The following RNLS variants were observed in gnomAD, a reference collection of about 807,000 sequenced individuals.
The protein encoded by RNLS is renalase, FAD dependent amine oxidase, also known as renalase.
A neutral mutation model predicts 39.8 loss-of-function variants in RNLS; 39 were observed. The observed-to-expected ratio is 0.98, with a 90% CI of 0.76 to 1.28. RNLS has a LOEUF of 1.28. Ranked by LOEUF, RNLS falls within the 50% of genes most tolerant of loss-of-function variation. The pLI is 0.00. For synonymous variants in RNLS, 147 were observed against 150.7 expected, an observed-to-expected ratio of 0.98 and a Z score of 0.18; for missense variants, 410 against 413.3, an observed-to-expected ratio of 0.99 and a Z score of 0.07.
intron 4 of RNLS, among the ~76,000 whole-genome samples, chr10:88,495,261 A>G (rs1275227297): frequency 6.6e-6 from 1 of 152,156 alleles, no homozygotes; most frequent in East Asian, 1.9e-4. Flanking sequence ...AAAATATGAA[A>G]GTTATCTTTC....
chr10:88,315,945 G>T (rs921494092), intron 5 of RNLS, among the ~76,000 whole-genome samples: 1 of 152,100 alleles, frequency 6.6e-6, no homozygotes, highest in Non-Finnish European at 1.5e-5. Context: ...CACGCGTAAA[G>T]CTTCCTCAGT....
intron 4 of RNLS, among the ~76,000 whole-genome samples, chr10:88,508,817 A>G (rs1845934069): frequency 6.6e-6 from 1 of 152,134 alleles, no homozygotes; most frequent in African/African-American, 2.4e-5. Context: ...TTAAGGAAAA[A>G]AAAAGAAACA....
At chr10:88,223,821 C>T in the RNLS span, among the ~76,000 whole-genome samples, 1 of 152,090 alleles carries the variant, frequency 6.6e-6, no homozygotes, top group Non-Finnish European at 1.5e-5. Flanking sequence ...TTTGCACACT[C>T]GAGAGCCCCA....
the RNLS span, among the ~76,000 whole-genome samples, chr10:88,193,011 A>G: frequency 6.6e-6 from 1 of 152,188 alleles, no homozygotes; most frequent in Non-Finnish European, 1.5e-5. Flanking sequence ...ACATCGAAGT[A>G]TAGTGCTGGC....
intron 4 of RNLS, among the ~76,000 whole-genome samples, chr10:88,396,506 G>T (rs901053367): frequency 6.6e-6 from 1 of 150,902 alleles, no homozygotes; most frequent in African/African-American, 2.4e-5. Context: ...TAAATGACAA[G>T]AAAATTAAAA....
chr10:88,451,142 C>T (rs553370943), intron 4 of RNLS, among the ~76,000 whole-genome samples: 2 of 152,292 alleles, frequency 1.3e-5, no homozygotes, highest in East Asian at 3.9e-4. Flanking sequence ...CCCTTCAGGA[C>T]TTAAGCAGTC....
intron 5 of RNLS, among the ~76,000 whole-genome samples, chr10:88,329,833 T>C (rs535195637): frequency 4.4e-4 from 67 of 152,030 alleles, no homozygotes; most frequent in Admixed American, 6.5e-4. Context: ...TTTTCATTTG[T>C]AAACGTTCTA....
At chr10:88,493,590 T>G (rs1845004128) in intron 4 of RNLS, among the ~76,000 whole-genome samples, 1 of 152,176 alleles carries the variant, frequency 6.6e-6, no homozygotes, top group Admixed American at 6.5e-5. Context: ...ATCTATTTGT[T>G]CTTGTCATTT....
the RNLS span, among the ~76,000 whole-genome samples, chr10:88,175,206 A>C: frequency 1.4e-3 from 215 of 151,968 alleles, no homozygotes; most frequent in African/African-American, 5.0e-3. Flanking sequence ...AAAAAAATGA[A>C]TTTTTTGTTC....
At chr10:88,340,253 G>A (rs181196706) in intron 5 of RNLS, among the ~76,000 whole-genome samples, 1 of 152,328 alleles carries the variant, frequency 6.6e-6, no homozygotes, top group Non-Finnish European at 1.5e-5. Context: ...TTCTGAACCA[G>A]AGAAGTTTTC....
chr10:88,456,069 G>A (rs1842613093), intron 4 of RNLS, among the ~76,000 whole-genome samples: 1 of 152,038 alleles, frequency 6.6e-6, no homozygotes. Flanking sequence ...CTTAAGATTT[G>A]GAAAGAAAAT....
At chr10:88,358,522 A>C (rs889768302) in intron 5 of RNLS, among the ~76,000 whole-genome samples, 5 of 152,238 alleles carry the variant, frequency 3.3e-5, no homozygotes, top group African/African-American at 4.8e-5. Context: ...ATATGTCCTG[A>C]TATTCTCCAA....
the RNLS span, among the ~76,000 whole-genome samples, chr10:88,262,088 G>C: frequency 6.6e-6 from 1 of 152,182 alleles, no homozygotes; most frequent in Non-Finnish European, 1.5e-5. Flanking sequence ...AGTACCTTCT[G>C]GGCAGGATTC....
the RNLS span, among the ~76,000 whole-genome samples, chr10:88,220,353 C>G: frequency 6.6e-6 from 1 of 152,162 alleles, no homozygotes; most frequent in Non-Finnish European, 1.5e-5. Context: ...TGCCATTAAG[C>G]CAAGGGACTG....
At chr10:88,501,287 T>C (rs1291080487) in intron 4 of RNLS, among the ~76,000 whole-genome samples, 1 of 152,190 alleles carries the variant, frequency 6.6e-6, no homozygotes, top group South Asian at 2.1e-4. Flanking sequence ...AGTCATTATC[T>C]GTGTCCCTGT....
intron 4 of RNLS, among the ~76,000 whole-genome samples, chr10:88,398,425 T>C (rs1852704517): frequency 6.6e-6 from 1 of 151,832 alleles, no homozygotes; most frequent in Non-Finnish European, 1.5e-5. Context: ...TTAAAGAAGA[T>C]GGTTGAGGTT....
At chr10:88,455,635 T>G (rs1321631450) in intron 4 of RNLS, among the ~76,000 whole-genome samples, 1 of 152,124 alleles carries the variant, frequency 6.6e-6, no homozygotes. Context: ...CTTGATCTCT[T>G]GATCTCGTGA....
chr10:88,483,279 CA>C (rs1317757667), intron 4 of RNLS, among the ~76,000 whole-genome samples: 3 of 152,106 alleles, frequency 2.0e-5, no homozygotes, highest in East Asian at 3.8e-4. Context: ...TCTGGCTTTA[CA>C]ACCCCTTTTG....
intron 4 of RNLS, among the ~76,000 whole-genome samples, chr10:88,489,842 A>AT (rs989117024): frequency 3.3e-5 from 5 of 152,220 alleles, no homozygotes; most frequent in South Asian, 2.1e-4. Flanking sequence ...TCAGGCTGTA[A>AT]TTTTTTGTGA....
Sources: allele counts gnomAD v4.1 joint callset (sites outside exome capture counted in the v4.1 genomes callset), GRCh38; gene constraint gnomAD v4.1.1; transcripts MANE v1.5; gene names NCBI Gene and HGNC (gene_info 2026-07-23, HGNC 2026-07-21).